Variants in KLHL2 observed in about 807,000 individuals in gnomAD.
KLHL2 encodes the protein kelch-like protein 2.
A neutral mutation model predicts 75.8 loss-of-function variants in KLHL2; 15 were observed. That is an observed-to-expected ratio of 0.20 (90% CI 0.13 to 0.30). KLHL2 has a LOEUF of 0.30. KLHL2 is among the 10% of genes least tolerant of loss of function. The pLI, the probability that KLHL2 is intolerant of heterozygous loss-of-function variation, is 1.00. For synonymous variants in KLHL2, 214 were observed against 251.9 expected (o/e 0.85, Z 1.42); for missense variants, 381 against 741.0 (o/e 0.51, Z 5.64).
At chr4:165,224,648 G>A (rs1738286784) in intron 2 of KLHL2, among the ~76,000 whole-genome samples, 1 of 152,154 alleles carries the variant, frequency 6.6e-6, no homozygotes, top group African/African-American at 2.4e-5. Flanking sequence ...TTGAATTTTG[G>A]CTAAATTGTT....
intron 5 of KLHL2, among the ~76,000 whole-genome samples, chr4:165,292,846 C>T (rs1420507484): frequency 6.6e-6 from 1 of 151,986 alleles, no homozygotes; most frequent in Non-Finnish European, 1.5e-5. Flanking sequence ...ATTGTGACGA[C>T]CTAGAAATTA....
intron 7 of KLHL2, among the ~76,000 whole-genome samples, chr4:165,298,042 C>T (rs950456366): frequency 2.0e-5 from 3 of 152,164 alleles, no homozygotes; most frequent in Non-Finnish European, 2.9e-5. Flanking sequence ...AGGCTGGTCT[C>T]GAACTCCTGA....
rs1560783775 is a variant in KLHL2, at chr4:165,264,715, T to TATAC, written c.544+1359_544+1360insCATA. ...GTGTGTGTGTGTGTGTATATATATA[T>TATAC]ATATACATATATATATATATATATG... On this transcript the variant is annotated intron_variant, in intron 5 of 14. Transcript: ENST00000226725. Among the ~76,000 whole-genome samples, 48 of 75,838 alleles carry TATAC rather than the reference T, an allele frequency of 6.3e-4. 1 individual carries two copies. Among genetic ancestry groups the TATAC allele is most frequent in the Admixed American group, 1.3e-3 (8 of 5,960 alleles). 49.8% of individuals were successfully genotyped at this position (75,838 alleles called of 152,430 possible).
Position 165,218,082 on chromosome 4 carries a change from C to G in KLHL2, c.27-1852C>G, listed in dbSNP as rs551901148. On this transcript the variant is annotated intron_variant, in intron 1 of 14. Coordinates refer to ENST00000226725, the MANE Select transcript of KLHL2 (RefSeq NM_007246.4). ...ACCCAGCCAGTTTTCATCACCTCCA[C>G]TGCGACTGTCCTCCCTAAGCCACTG... Among the ~76,000 whole-genome samples, 5 of 152,320 alleles carry G rather than the reference C, an allele frequency of 3.3e-5. No individual in the cohort carries two copies. In the South Asian group the frequency reaches 1.0e-3, roughly 32 times the overall value.
chr4:165,266,948 A>G (rs1742291499), intron 5 of KLHL2, among the ~76,000 whole-genome samples: 2 of 152,102 alleles, frequency 1.3e-5, no homozygotes, highest in African/African-American at 4.8e-5. Flanking sequence ...CTTCCTATCC[A>G]TGAGCATGGA....
chr4:165,272,220 A>G (rs1483379243), intron 5 of KLHL2, among the ~76,000 whole-genome samples: 6 of 152,194 alleles, frequency 3.9e-5, no homozygotes, highest in African/African-American at 1.4e-4. Context: ...CGATTTACAG[A>G]TGAGCTTTTA....
chr4:165,283,670 A>C (rs1743862665), intron 5 of KLHL2, among the ~76,000 whole-genome samples: 1 of 152,104 alleles, frequency 6.6e-6, no homozygotes. Context: ...CAGTGATACC[A>C]TTCTGGGTTC....
At chr4:165,305,287 A>AT (rs1745640682) in intron 8 of KLHL2, among the ~76,000 whole-genome samples, 1 of 152,126 alleles carries the variant, frequency 6.6e-6, no homozygotes, top group African/African-American at 2.4e-5. Flanking sequence ...AGCAAGCCCT[A>AT]TGACATACTG....
At chr4:165,290,415 G>A (rs1169888804) in intron 5 of KLHL2, among the ~76,000 whole-genome samples, 3 of 152,066 alleles carry the variant, frequency 2.0e-5, no homozygotes, top group Non-Finnish European at 2.9e-5. Flanking sequence ...GATTACAGGC[G>A]TGAGCCACTG....
intron 8 of KLHL2, among the ~76,000 whole-genome samples, chr4:165,300,454 G>A (rs1318187290): frequency 6.6e-6 from 1 of 152,100 alleles, no homozygotes; most frequent in East Asian, 1.9e-4. Context: ...CCATTTGATG[G>A]TTCCCTGCAC....
At chr4:165,236,085 C>A (rs186003407) in intron 3 of KLHL2, among the ~76,000 whole-genome samples, 53 of 152,124 alleles carry the variant, frequency 3.5e-4, no homozygotes, top group Admixed American at 1.1e-3. Flanking sequence ...ATTATAGGAT[C>A]CCCAATGGTG....
intron 7 of KLHL2, among the ~76,000 whole-genome samples, chr4:165,298,680 C>T (rs1579152608): frequency 6.6e-6 from 1 of 152,008 alleles, no homozygotes; most frequent in African/African-American, 2.4e-5. Flanking sequence ...CAGTGGCTCA[C>T]GTCTATAATC....
At chr4:165,219,034 T>C (rs1489717817) in intron 1 of KLHL2, among the ~76,000 whole-genome samples, 2 of 152,128 alleles carry the variant, frequency 1.3e-5, no homozygotes, top group Non-Finnish European at 1.5e-5. Context: ...AAAGTTGTCT[T>C]GTGTTCATTA....
intron 6 of KLHL2, among the ~76,000 whole-genome samples, chr4:165,295,713 C>T (rs1036804503): frequency 6.6e-6 from 1 of 151,990 alleles, no homozygotes; most frequent in Admixed American, 6.5e-5. Flanking sequence ...GGTGGGAATG[C>T]AGAGGGCATT....
chr4:165,305,651 G>A lies in KLHL2; in HGVS notation c.965G>A (p.Ser322Asn), dbSNP rs1349181296. Residue 322 changes from serine (S) to asparagine (N), a missense_variant, in exon 9 of 15, where the codon AGT becomes AAT. Physicochemically the swap from Ser to Asn is conservative, Grantham distance 46. Coordinates refer to ENST00000226725, the MANE Select transcript of KLHL2 (RefSeq NM_007246.4). Reference protein sequence around the residue: ...VGGQAPKAIRSVECYDFKEER... With the variant: ...VGGQAPKAIRNVECYDFKEER... ...GGCCAAGCACCAAAGGCTATCCGGA[G>A]TGTGGAATGCTATGACTTTAAAGAA... 1.2e-6 allele frequency: 2 copies of A among 1,614,170 alleles called. No individual in the cohort carries two copies. The highest frequency in any genetic ancestry group is 1.7e-6 in the Non-Finnish European group (2 of 1,180,016).
intron 3 of KLHL2, among the ~76,000 whole-genome samples, chr4:165,238,146 C>T (rs1254434046): frequency 6.6e-6 from 1 of 152,208 alleles, no homozygotes; most frequent in Non-Finnish European, 1.5e-5. Flanking sequence ...TGAATCTGAG[C>T]TAGAAGATCT....
At chr4:165,259,489 C>T (rs148367936) in intron 4 of KLHL2, among the ~76,000 whole-genome samples, 9,595 of 152,268 alleles carry the variant, frequency 0.063, 426 homozygotes, top group Middle Eastern at 0.12. Context: ...TGGTTAGTAC[C>T]GCTCTCATAG....
intron 5 of KLHL2, among the ~76,000 whole-genome samples, chr4:165,282,377 AT>A (rs1398216960): frequency 6.6e-6 from 1 of 152,222 alleles, no homozygotes; most frequent in Non-Finnish European, 1.5e-5. Context: ...TGTTAGGCTT[AT>A]ATTAACCAAA....
At chr4:165,277,739 G>C (rs1233939643) in intron 5 of KLHL2, 10 of 539,314 alleles carry the variant, frequency 1.9e-5, no homozygotes, top group East Asian at 6.3e-5. Flanking sequence ...CTTAACTGTG[G>C]ATGTTAAAAA....
Sources: allele counts gnomAD v4.1 joint callset (sites outside exome capture counted in the v4.1 genomes callset), GRCh38; gene constraint gnomAD v4.1.1; transcripts MANE v1.5; gene names NCBI Gene and HGNC (gene_info 2026-07-23, HGNC 2026-07-21).